Variants in PDE7B observed in about 807,000 individuals in gnomAD.
PDE7B encodes the protein 3',5'-cyclic-AMP phosphodiesterase 7B.
PDE7B carries 29 observed loss-of-function variants against 56.2 expected under a neutral mutation model. That is an observed-to-expected ratio of 0.52 (90% confidence interval 0.38 to 0.70). The LOEUF (loss-of-function observed/expected upper bound fraction) is 0.70, where lower values mean the gene tolerates loss of function less well. Ranked by LOEUF, PDE7B falls within the 30% of genes least tolerant of loss-of-function variation. The pLI is 0.00. For missense variants in PDE7B, 490 were observed against 565.0 expected (o/e 0.87, Z 1.35); for synonymous variants, 197 against 196.9 (o/e 1.00, Z 0.00).
At chr6:135,904,364 T>C (rs1776060356) in intron 1 of PDE7B, among the ~76,000 whole-genome samples, 1 of 152,132 alleles carries the variant, frequency 6.6e-6, no homozygotes, top group Non-Finnish European at 1.5e-5. Flanking sequence ...ATATGAAAAA[T>C]GGGAATCACC....
chr6:136,191,875 C>T lies in PDE7B; in HGVS notation c.*35C>T, dbSNP rs1421722842. Reference sequence around the variant, plus strand: ...CAACTTAGACGCGGCTCTCCTCCGGCAGGGCCCCCAGAGGGCAGAAGCAGC... The same window carrying T: ...CAACTTAGACGCGGCTCTCCTCCGGTAGGGCCCCCAGAGGGCAGAAGCAGC... On this transcript the variant is annotated 3_prime_UTR_variant, in exon 13 of 13. Coordinates refer to ENST00000308191, the MANE Select transcript of PDE7B (RefSeq NM_018945.4). 2 of 1,493,746 alleles carry T rather than the reference C, an allele frequency of 1.3e-6. No homozygotes were observed. Among genetic ancestry groups the T allele is most frequent in the Non-Finnish European group, 1.8e-6 (2 of 1,100,042 alleles). 92.5% of individuals were successfully genotyped at this position (1,493,746 alleles called of 1,614,324 possible).
chr6:135,898,586 T>C (rs1775943060), intron 1 of PDE7B, among the ~76,000 whole-genome samples: 2 of 152,186 alleles, frequency 1.3e-5, no homozygotes, highest in African/African-American at 2.4e-5. Flanking sequence ...ATTTTGGTCA[T>C]TTTGAAAAGA....
At chr6:136,079,109 G>T (rs1316250061) in intron 2 of PDE7B, among the ~76,000 whole-genome samples, 1 of 152,022 alleles carries the variant, frequency 6.6e-6, no homozygotes, top group Non-Finnish European at 1.5e-5. Context: ...CTTACAATGG[G>T]TTTATCTGGG....
chr6:136,174,848 G>A (rs894281068), intron 9 of PDE7B, among the ~76,000 whole-genome samples: 48 of 152,206 alleles, frequency 3.2e-4, no homozygotes, highest in South Asian at 1.9e-3. Flanking sequence ...ACCAGTTCTC[G>A]TGCATGGAAT....
rs35849934 is a variant in PDE7B, at chr6:135,931,953, GCACACACACA to G, written c.22-15490_22-15481del. 2.5e-3 allele frequency among the ~76,000 whole-genome samples: 160 copies of G among 64,384 alleles called. 2 individuals are homozygous for G. Among genetic ancestry groups the G allele is most frequent in the African/African-American group, 4.7e-3 (127 of 27,010 alleles). 42.2% of individuals were successfully genotyped at this position (64,384 alleles called of 152,430 possible). ...TTACCGCGCACACACACACGCGCGC[GCACACACACA>G]CACACACACACACACACACATAGGT... On this transcript the variant is annotated intron_variant, in intron 1 of 12. Coordinates refer to ENST00000308191, the MANE Select transcript of PDE7B (RefSeq NM_018945.4).
chr6:135,857,501 A>G (rs1463380051), intron 1 of PDE7B, among the ~76,000 whole-genome samples: 4 of 152,046 alleles, frequency 2.6e-5, no homozygotes, highest in Non-Finnish European at 5.9e-5. Flanking sequence ...TGGTGTGAGG[A>G]GTATGTTTCC....
intron 8 of PDE7B, among the ~76,000 whole-genome samples, chr6:136,167,994 T>C (rs1435583673): frequency 6.6e-6 from 1 of 152,172 alleles, no homozygotes; most frequent in Non-Finnish European, 1.5e-5. Flanking sequence ...CATTTGCCTT[T>C]GCCTGGAATG....
chr6:136,123,662 G>A (rs897226174), intron 3 of PDE7B, among the ~76,000 whole-genome samples: 11 of 152,200 alleles, frequency 7.2e-5, no homozygotes, highest in African/African-American at 2.7e-4. Context: ...AAAGCTATTT[G>A]AGGCATAACT....
intron 8 of PDE7B, chr6:136,166,178 C>T (rs1778789574): frequency 6.6e-6 from 1 of 152,330 alleles, no homozygotes; most frequent in African/African-American, 2.4e-5. Flanking sequence ...TCTACACCTG[C>T]TCCACTGCAG....
At chr6:136,110,126 A>G (rs1046746145) in intron 3 of PDE7B, among the ~76,000 whole-genome samples, 2 of 151,998 alleles carry the variant, frequency 1.3e-5, no homozygotes, top group Non-Finnish European at 2.9e-5. Flanking sequence ...TTTTTTTAGC[A>G]CTTTCAGGGA....
chr6:135,903,155 C>T (rs1776035833), intron 1 of PDE7B, among the ~76,000 whole-genome samples: 1 of 152,110 alleles, frequency 6.6e-6, no homozygotes, highest in Non-Finnish European at 1.5e-5. Flanking sequence ...GAACAAAGGG[C>T]AAAGATAAGG....
chr6:135,920,600 G>A (rs1258941420), intron 1 of PDE7B, among the ~76,000 whole-genome samples: 1 of 152,032 alleles, frequency 6.6e-6, no homozygotes, highest in African/African-American at 2.4e-5. Context: ...TGAGTCTAAC[G>A]ATGTTTCAGA....
At chr6:135,956,321 T>A (rs1487776088) in intron 2 of PDE7B, among the ~76,000 whole-genome samples, 1 of 152,142 alleles carries the variant, frequency 6.6e-6, no homozygotes, top group Admixed American at 6.6e-5. Context: ...ATAATACAAA[T>A]GTAAAATACT....
chr6:136,005,536 T>G (rs1297932943), intron 2 of PDE7B, among the ~76,000 whole-genome samples: 4 of 152,176 alleles, frequency 2.6e-5, no homozygotes, highest in African/African-American at 9.7e-5. Flanking sequence ...CATTGAAAAG[T>G]GGGTGAAGGA....
chr6:136,130,820 T>C (rs1778104824), intron 3 of PDE7B, among the ~76,000 whole-genome samples: 1 of 152,018 alleles, frequency 6.6e-6, no homozygotes, highest in African/African-American at 2.4e-5. Flanking sequence ...TGGTGGGAGA[T>C]GAAAGGCATG....
At chr6:136,033,051 T>C (rs1562474938) in intron 2 of PDE7B, among the ~76,000 whole-genome samples, 1 of 152,230 alleles carries the variant, frequency 6.6e-6, no homozygotes, top group Non-Finnish European at 1.5e-5. Context: ...AAAAGTGTAC[T>C]CTACCACCAC....
At chr6:136,002,489 TA>T (rs1775689876) in intron 2 of PDE7B, among the ~76,000 whole-genome samples, 1 of 151,790 alleles carries the variant, frequency 6.6e-6, no homozygotes, top group African/African-American at 2.4e-5. Flanking sequence ...AGGATCAAAA[TA>T]AAAGGATAGA....
chr6:136,011,736 A>C (rs1775898127), intron 2 of PDE7B, among the ~76,000 whole-genome samples: 1 of 152,206 alleles, frequency 6.6e-6, no homozygotes, highest in African/African-American at 2.4e-5. Flanking sequence ...CTGATGAAAC[A>C]GCTTCAATTA....
intron 2 of PDE7B, among the ~76,000 whole-genome samples, chr6:136,016,422 TTA>T (rs1368961313): frequency 1.3e-5 from 2 of 152,246 alleles, no homozygotes; most frequent in African/African-American, 2.4e-5. Context: ...GACCTAATGT[TTA>T]TATGAGTGCT....
Sources: gnomAD v4.1 joint callset for allele counts (sites outside exome capture counted in the v4.1 genomes callset) on GRCh38, gnomAD v4.1.1 for gene constraint, MANE v1.5 for transcripts, NCBI Gene and HGNC (gene_info 2026-07-23, HGNC 2026-07-21) for gene names.